PCDHAC1: variants seen among roughly 807,000 people sequenced by gnomAD.
The protein encoded by PCDHAC1 is protocadherin alpha-C1.
PCDHAC1 carries 42 observed loss-of-function variants against 60.0 expected under a neutral mutation model. The ratio of observed to expected loss-of-function variants is 0.70; its 90% confidence interval spans 0.55 to 0.90. PCDHAC1 has a LOEUF of 0.90. Among genes scored for constraint, PCDHAC1 ranks in the 40% least tolerant of loss-of-function variants. The pLI, the probability that PCDHAC1 is intolerant of heterozygous loss-of-function variation, is 0.00. For synonymous variants in PCDHAC1, 468 were observed against 499.3 expected (o/e 0.94, Z 0.84); for missense variants, 1,160 against 1,222.3 (o/e 0.95, Z 0.76).
chr5:140,940,499 G>A (rs190058542), intron 1 of PCDHAC1, among the ~76,000 whole-genome samples: 23 of 151,756 alleles, frequency 1.5e-4, no homozygotes, highest in African/African-American at 3.9e-4. Context: ...GTCTTGCTCC[G>A]TCGCTCAGGC....
At chr5:140,969,010 A>C (rs782688503) in intron 1 of PCDHAC1, 2 of 1,614,168 alleles carry the variant, frequency 1.2e-6, no homozygotes, top group Admixed American at 3.3e-5. Context: ...TCTGTGGAGT[A>C]AGGGAAAGGT....
chr5:140,998,690 A>G (rs1310258939), intron 3 of PCDHAC1, among the ~76,000 whole-genome samples: 1 of 151,696 alleles, frequency 6.6e-6, no homozygotes, highest in Non-Finnish European at 1.5e-5. Flanking sequence ...TCAGCCTCCC[A>G]AGTAGCTGGG....
intron 1 of PCDHAC1, among the ~76,000 whole-genome samples, chr5:140,944,186 GTTT>G (rs2093621428): frequency 6.6e-6 from 1 of 151,986 alleles, no homozygotes. Flanking sequence ...TTGTTGGTTT[GTTT>G]TGTTTTGTTT....
At position 140,927,327 on chromosome 5, in the gene PCDHAC1, C is replaced by T. The variant is rs781793681; in HGVS notation, c.435C>T (p.Leu145=). The change falls in exon 1 of 4, where the codon CTC becomes CTT. Residue 145 remains leucine, a synonymous_variant. Coordinates refer to ENST00000253807, the MANE Select transcript of PCDHAC1 (RefSeq NM_018898.5). ...EFLTPGARFT[L]PNAQDDDEGS... ...TGACGCCCGGAGCCCGCTTTACTCT[C>T]CCGAATGCCCAAGATGACGACGAGG... 8.5e-5 allele frequency: 137 copies of T among 1,614,206 alleles called. No individual in the cohort carries two copies. In the Middle Eastern group the frequency reaches 3.6e-3, roughly 43 times the overall value.
chr5:140,978,103 A>T (rs2096789005), intron 1 of PCDHAC1, among the ~76,000 whole-genome samples: 1 of 152,106 alleles, frequency 6.6e-6, no homozygotes, highest in South Asian at 2.1e-4. Context: ...AACTCCCCCA[A>T]CAGTCTTTAA....
At chr5:140,954,864 G>A (rs2095103058) in intron 1 of PCDHAC1, among the ~76,000 whole-genome samples, 1 of 152,074 alleles carries the variant, frequency 6.6e-6, no homozygotes, top group Admixed American at 6.5e-5. Context: ...TGTCCTGAAT[G>A]GTATTGCCTA....
chr5:140,929,927 G>A (rs2086481303), intron 1 of PCDHAC1: 1 of 152,202 alleles, frequency 6.6e-6, no homozygotes, highest in Non-Finnish European at 1.5e-5. Flanking sequence ...ATAAAAAACA[G>A]TGTATTCTCT....
intron 1 of PCDHAC1, among the ~76,000 whole-genome samples, chr5:140,962,807 C>T (rs1463442901): frequency 5.3e-5 from 8 of 152,220 alleles, no homozygotes; most frequent in Non-Finnish European, 1.0e-4. Flanking sequence ...CAACTCTAAA[C>T]ATCAGAGATG....
At position 141,010,340 on chromosome 5, in the gene PCDHAC1, C is replaced by T. The variant is rs1400539624; in HGVS notation, c.*403C>T. 2 of 1,533,798 alleles carry T rather than the reference C, an allele frequency of 1.3e-6. No homozygotes were observed. Among genetic ancestry groups the T allele is most frequent in the Non-Finnish European group, 1.8e-6 (2 of 1,140,544 alleles). On this transcript the variant is annotated 3_prime_UTR_variant, in exon 4 of 4. Coordinates refer to ENST00000253807, the MANE Select transcript of PCDHAC1 (RefSeq NM_018898.5). ...TGAGCAGCTTGGGAGTTTGTGGCCA[C>T]TGGGTATGTGTGGCTACCGCGGGTA...
chr5:140,946,611 A>AATATATATATATATATATAT lies in PCDHAC1; in HGVS notation c.2433+17288_2433+17307dup, dbSNP rs1554217734. On this transcript the variant is annotated intron_variant, in intron 1 of 3. Transcript: ENST00000253807. ...GGATGAATAGATAAAGAAAATGTGA[A>AATATATATATATATATATAT]ATATATATATATATATATATACAAT... Among the ~76,000 whole-genome samples the AATATATATATATATATATAT allele has an allele frequency of 2.4e-3, 212 of 86,734 alleles. 8 individuals carry two copies. Among genetic ancestry groups the AATATATATATATATATATAT allele is most frequent in the Middle Eastern group, 0.011 (2 of 186 alleles). The allele number at this position is 86,734 out of a possible 152,430, so 56.9% of individuals were successfully genotyped here.
intron 1 of PCDHAC1, chr5:140,968,575 G>C: frequency 6.2e-7 from 1 of 1,614,134 alleles, no homozygotes; most frequent in Non-Finnish European, 8.5e-7. Context: ...CTGGCTACCT[G>C]GTCACCAAAG....
At chr5:140,940,572 C>G (rs1315567614) in intron 1 of PCDHAC1, among the ~76,000 whole-genome samples, 1 of 152,096 alleles carries the variant, frequency 6.6e-6, no homozygotes, top group African/African-American at 2.4e-5. Context: ...CCTTGGCTCC[C>G]AAAGTGTTGG....
chr5:140,981,033 GA>G (rs148859655), intron 2 of PCDHAC1, among the ~76,000 whole-genome samples: 2 of 151,612 alleles, frequency 1.3e-5, no homozygotes, highest in Admixed American at 6.6e-5. Flanking sequence ...AATATTTGGG[GA>G]AAAAAAACAG....
chr5:140,941,564 C>T (rs1352264408), intron 1 of PCDHAC1, among the ~76,000 whole-genome samples: 2 of 151,992 alleles, frequency 1.3e-5, no homozygotes, highest in Non-Finnish European at 2.9e-5. Flanking sequence ...ATCCATTCGC[C>T]TCAGCCTCCC....
chr5:140,955,006 C>T (rs1304080416), intron 1 of PCDHAC1, among the ~76,000 whole-genome samples: 1 of 152,154 alleles, frequency 6.6e-6, no homozygotes, highest in African/African-American at 2.4e-5. Flanking sequence ...AGCCAATTCT[C>T]CCAGCACCAT....
Position 140,938,107 on chromosome 5 carries a change from T to C in PCDHAC1, c.2433+8782T>C, listed in dbSNP as rs73266057. On this transcript the variant is annotated intron_variant, in intron 1 of 3. Coordinates refer to ENST00000253807, the MANE Select transcript of PCDHAC1 (RefSeq NM_018898.5). ...TAGTTTTATTATTGTATTTTTTACT[T>C]TCTCTCTTTTTTTAAAAAAATAGAG... is the stretch of plus-strand genomic sequence containing the variant. 3.3e-3 allele frequency among the ~76,000 whole-genome samples: 502 copies of C among 152,318 alleles called. 3 individuals carry two copies. Among genetic ancestry groups the C allele is most frequent in the African/African-American group, 0.012 (483 of 41,576 alleles).
intron 1 of PCDHAC1, among the ~76,000 whole-genome samples, chr5:140,973,706 G>A (rs143845626): frequency 4.6e-5 from 7 of 152,274 alleles, no homozygotes; most frequent in South Asian, 4.1e-4. Context: ...TCTGACCCAG[G>A]AGTGAGCCAT....
chr5:140,941,255 C>CTTTCTTTCTTTCTTTCTTTCTCTT (rs782490896), intron 1 of PCDHAC1, among the ~76,000 whole-genome samples: 1 of 44,508 alleles, frequency 2.2e-5, no homozygotes, highest in Non-Finnish European at 5.1e-5. Flanking sequence ...TTCTTTCTTT[C>CTTTCTTTCTTTCTTTCTTTCTCTT]TCTTTCTTTC....
chr5:140,966,514 A>G (rs2096013065), intron 1 of PCDHAC1: 1 of 434,820 alleles, frequency 2.3e-6, no homozygotes, highest in Non-Finnish European at 4.0e-6. Flanking sequence ...CAGCAGCAGC[A>G]GGAAGCCGAG....
Sources: gnomAD v4.1 joint callset for allele counts (sites outside exome capture counted in the v4.1 genomes callset) on GRCh38, gnomAD v4.1.1 for gene constraint, MANE v1.5 for transcripts, NCBI Gene and HGNC (gene_info 2026-07-23, HGNC 2026-07-21) for gene names.